Variants in KCTD8 observed in about 807,000 individuals in gnomAD.
KCTD8 encodes BTB/POZ domain-containing protein KCTD8.
Under a neutral mutation model 31.5 loss-of-function variants are expected in KCTD8, and 27 were observed. The observed-to-expected ratio is 0.86, with a 90% CI of 0.63 to 1.18. The LOEUF is 1.18. Among genes scored for constraint, KCTD8 ranks in the 50% most tolerant of loss-of-function variants. The pLI is 0.00. For missense variants in KCTD8, 658 were observed against 647.7 expected (o/e 1.02, Z -0.17); for synonymous variants, 290 against 280.0 (o/e 1.04, Z -0.36).
chr4:44,261,635 C>T (rs1461605312), intron 1 of KCTD8, among the ~76,000 whole-genome samples: 1 of 151,880 alleles, frequency 6.6e-6, no homozygotes. Flanking sequence ...CTACTCTCTG[C>T]TTTTATAGTT....
chr4:44,207,813 T>G (rs1453631112), intron 1 of KCTD8, among the ~76,000 whole-genome samples: 1 of 152,200 alleles, frequency 6.6e-6, no homozygotes, highest in African/African-American at 2.4e-5. Context: ...ACATACTGTT[T>G]TCTCTATGGG....
chr4:44,362,438 G>A (rs1719522621), intron 1 of KCTD8, among the ~76,000 whole-genome samples: 1 of 152,052 alleles, frequency 6.6e-6, no homozygotes, highest in South Asian at 2.1e-4. Flanking sequence ...ATAGTAAGCA[G>A]TATTTGTTCC....
intron 1 of KCTD8, among the ~76,000 whole-genome samples, chr4:44,355,566 T>A (rs2109427061): frequency 6.6e-6 from 1 of 152,290 alleles, no homozygotes; most frequent in Non-Finnish European, 1.5e-5. Context: ...TGGTTCTAAT[T>A]CTATTATAAT....
At chr4:44,246,024 A>C (rs1256582473) in intron 1 of KCTD8, among the ~76,000 whole-genome samples, 1 of 152,114 alleles carries the variant, frequency 6.6e-6, no homozygotes, top group African/African-American at 2.4e-5. Context: ...CAGTGGTATT[A>C]GAAAAAATAA....
intron 1 of KCTD8, among the ~76,000 whole-genome samples, chr4:44,273,163 A>T (rs1216543473): frequency 2.0e-5 from 3 of 152,048 alleles, no homozygotes; most frequent in Non-Finnish European, 4.4e-5. Flanking sequence ...AAGTAAAAAA[A>T]ATCAAACATT....
chr4:44,366,967 A>T (rs945446293), intron 1 of KCTD8, among the ~76,000 whole-genome samples: 2 of 152,114 alleles, frequency 1.3e-5, no homozygotes, highest in Non-Finnish European at 2.9e-5. Flanking sequence ...GTAAAGATAA[A>T]ATGTTTTAAA....
At chr4:44,187,371 G>A (rs546214841) in intron 1 of KCTD8, among the ~76,000 whole-genome samples, 1 of 152,160 alleles carries the variant, frequency 6.6e-6, no homozygotes, top group Non-Finnish European at 1.5e-5. Context: ...TTCCCCCATG[G>A]AAGCTAGGAT....
intron 1 of KCTD8, among the ~76,000 whole-genome samples, chr4:44,207,854 G>T (rs554765489): frequency 6.6e-6 from 1 of 152,300 alleles, no homozygotes; most frequent in South Asian, 2.1e-4. Context: ...AGATGAAATT[G>T]CTTTGCCTGA....
At chr4:44,233,051 CTG>C (rs781342481) in intron 1 of KCTD8, among the ~76,000 whole-genome samples, 16 of 151,990 alleles carry the variant, frequency 1.1e-4, no homozygotes, top group Middle Eastern at 3.4e-3. Context: ...AATTTTAAAA[CTG>C]ATAACTTTGC....
chr4:44,301,461 T>C (rs576208244), intron 1 of KCTD8, among the ~76,000 whole-genome samples: 4 of 152,376 alleles, frequency 2.6e-5, no homozygotes, highest in Non-Finnish European at 5.9e-5. Context: ...ATTTCTCTGA[T>C]GGCCAGTGAT....
At chr4:44,220,225 T>C (rs1429796461) in intron 1 of KCTD8, among the ~76,000 whole-genome samples, 3 of 152,136 alleles carry the variant, frequency 2.0e-5, no homozygotes, top group Non-Finnish European at 2.9e-5. Context: ...GGATAGACTA[T>C]AGATAATCAC....
intron 1 of KCTD8, among the ~76,000 whole-genome samples, chr4:44,399,767 C>T (rs1016086480): frequency 2.0e-5 from 3 of 152,104 alleles, no homozygotes; most frequent in East Asian, 1.9e-4. Flanking sequence ...GGTTAAAGAG[C>T]GTTAATCACA....
intron 1 of KCTD8, among the ~76,000 whole-genome samples, chr4:44,399,096 A>G (rs1213098207): frequency 6.6e-6 from 1 of 152,184 alleles, no homozygotes; most frequent in Non-Finnish European, 1.5e-5. Context: ...GATAAACATG[A>G]CAGAGCTACA....
intron 1 of KCTD8, among the ~76,000 whole-genome samples, chr4:44,446,029 A>T (rs1480041902): frequency 6.6e-6 from 1 of 152,198 alleles, no homozygotes; most frequent in Admixed American, 6.5e-5. Flanking sequence ...ACAGTTTTTT[A>T]GCTTCCAATT....
intron 1 of KCTD8, among the ~76,000 whole-genome samples, chr4:44,266,830 A>C (rs1032801192): frequency 6.6e-6 from 1 of 152,106 alleles, no homozygotes; most frequent in Non-Finnish European, 1.5e-5. Flanking sequence ...GATCAATTCA[A>C]CAAGAAGAGC....
At chr4:44,445,166 A>G (rs1341749761) in intron 1 of KCTD8, among the ~76,000 whole-genome samples, 1 of 152,214 alleles carries the variant, frequency 6.6e-6, no homozygotes, top group Non-Finnish European at 1.5e-5. Context: ...CATTCACCAA[A>G]TATTAAAATG....
intron 1 of KCTD8, chr4:44,293,827 A>G (rs185535335): frequency 2.2e-6 from 1 of 453,510 alleles, no homozygotes; most frequent in East Asian, 7.0e-5. Flanking sequence ...ACATCGTCAG[A>G]GAACCTGTGG....
At chr4:44,244,525 C>T (rs1260464305) in intron 1 of KCTD8, among the ~76,000 whole-genome samples, 1 of 152,094 alleles carries the variant, frequency 6.6e-6, no homozygotes, top group Admixed American at 6.5e-5. Context: ...ATTCTTCTTC[C>T]CCAAGGTGGT....
intron 1 of KCTD8, among the ~76,000 whole-genome samples, chr4:44,314,803 T>C (rs1464451159): frequency 1.3e-5 from 2 of 151,510 alleles, no homozygotes; most frequent in Non-Finnish European, 3.0e-5. Context: ...GATATTCCAT[T>C]GTATGAATAT....
Sources: gnomAD v4.1 joint callset for allele counts (sites outside exome capture counted in the v4.1 genomes callset) on GRCh38, gnomAD v4.1.1 for gene constraint, MANE v1.5 for transcripts, NCBI Gene and HGNC (gene_info 2026-07-23, HGNC 2026-07-21) for gene names.